ABL2: variants seen among roughly 807,000 people sequenced by gnomAD.
ABL2 encodes the protein ABL proto-oncogene 2, non-receptor tyrosine kinase.
A neutral mutation model predicts 107.7 loss-of-function variants in ABL2; 49 were observed. The ratio of observed to expected loss-of-function variants is 0.45; its 90% CI spans 0.36 to 0.58. ABL2 has a LOEUF of 0.58. ABL2 is among the 20% of genes least tolerant of loss of function. ABL2 has a pLI of 0.00. For missense variants in ABL2, 1,245 were observed against 1,457.0 expected (o/e 0.85, Z 2.37); for synonymous variants, 549 against 548.6 (o/e 1.00, Z -0.01).
At chr1:179,185,513 C>CA (rs1344165341) in intron 1 of ABL2, among the ~76,000 whole-genome samples, 1 of 152,096 alleles carries the variant, frequency 6.6e-6, no homozygotes, top group Non-Finnish European at 1.5e-5. Flanking sequence ...TAAAAGTGTA[C>CA]AAGTTGCTTT....
intron 3 of ABL2, among the ~76,000 whole-genome samples, chr1:179,130,594 G>A (rs1656195589): frequency 1.3e-5 from 2 of 152,142 alleles, no homozygotes; most frequent in African/African-American, 4.8e-5. Context: ...TTAGTGAAAG[G>A]AATGGTAGGA....
At chr1:179,153,185 G>A (rs1221753918) in intron 1 of ABL2, among the ~76,000 whole-genome samples, 1 of 152,024 alleles carries the variant, frequency 6.6e-6, no homozygotes, top group East Asian at 1.9e-4. Flanking sequence ...TTTCTGGATG[G>A]TGCCGGATAA....
intron 1 of ABL2, among the ~76,000 whole-genome samples, chr1:179,154,975 C>T (rs962696489): frequency 1.3e-5 from 2 of 152,170 alleles, no homozygotes; most frequent in South Asian, 4.1e-4. Context: ...AACATCATTA[C>T]CTACAGCCCT....
chr1:179,121,889 C>CAGGCCGGGCGCGGTGGCTCAAGCCTG, intron 4 of ABL2, 22 bp from the exon 5 acceptor site: 2 of 1,344,600 alleles, frequency 1.5e-6, no homozygotes, highest in Non-Finnish European at 2.0e-6. Context: ...AGGAGAAAAG[C>CAGGCCGGGCGCGGTGGCTCAAGCCTG]TAAACAACTT....
At chr1:179,211,107 T>G (rs1662247320) in intron 1 of ABL2, among the ~76,000 whole-genome samples, 1 of 152,062 alleles carries the variant, frequency 6.6e-6, no homozygotes, top group Non-Finnish European at 1.5e-5. Context: ...TCAAAGAACT[T>G]ATAAAAGCAT....
intron 1 of ABL2, among the ~76,000 whole-genome samples, chr1:179,212,978 G>A (rs111902090): frequency 0.094 from 14,147 of 150,264 alleles, 704 homozygotes; most frequent in African/African-American, 0.12. Context: ...CCTGGGAGGC[G>A]GAGGTTGCAG....
chr1:179,147,561 G>A (rs1267603883), intron 1 of ABL2, among the ~76,000 whole-genome samples: 7 of 152,200 alleles, frequency 4.6e-5, no homozygotes, highest in Admixed American at 3.9e-4. Flanking sequence ...CATGTATTTT[G>A]CAGCAACATG....
chr1:179,183,342 T>C lies in ABL2; in HGVS notation c.157+45899A>G, dbSNP rs28914482. 2.3e-3 allele frequency among the ~76,000 whole-genome samples: 357 copies of C among 152,266 alleles called. 2 individuals carry two copies. Among genetic ancestry groups the C allele is most frequent in the African/African-American group, 8.4e-3 (350 of 41,544 alleles). On this transcript the variant is annotated intron_variant, in intron 1 of 11. Coordinates refer to ENST00000502732, the MANE Select transcript of ABL2 (RefSeq NM_007314.4). Reference sequence around the variant, plus strand: ...CCACGACATAACAAAACTGTACTTGTACCACTTAAATTTATAACAACAACA... The same window carrying C: ...CCACGACATAACAAAACTGTACTTGCACCACTTAAATTTATAACAACAACA...
intron 1 of ABL2, among the ~76,000 whole-genome samples, chr1:179,211,791 G>GA (rs35073460): frequency 0.41 from 55,259 of 135,568 alleles, 10,771 homozygotes; most frequent in Admixed American, 0.49. Flanking sequence ...AATCCTTCTC[G>GA]AAAAAAAAAA....
At chr1:179,149,924 T>C (rs1448324561) in intron 1 of ABL2, among the ~76,000 whole-genome samples, 2 of 152,176 alleles carry the variant, frequency 1.3e-5, no homozygotes, top group Non-Finnish European at 2.9e-5. Flanking sequence ...TAATTTCAAG[T>C]CTCATTACTT....
chr1:179,161,778 T>TCC (rs1281076790), intron 1 of ABL2, among the ~76,000 whole-genome samples: 1 of 152,140 alleles, frequency 6.6e-6, no homozygotes, highest in Non-Finnish European at 1.5e-5. Flanking sequence ...TTTGAATGTG[T>TCC]CCCCCAAAGT....
intron 1 of ABL2, among the ~76,000 whole-genome samples, chr1:179,164,598 G>C (rs1310895283): frequency 6.6e-6 from 1 of 152,128 alleles, no homozygotes; most frequent in African/African-American, 2.4e-5. Flanking sequence ...ACTCAATGTT[G>C]CTAGCACCTG....
intron 1 of ABL2, among the ~76,000 whole-genome samples, chr1:179,187,656 T>C (rs1660749234): frequency 6.6e-6 from 1 of 152,358 alleles, no homozygotes; most frequent in Admixed American, 6.5e-5. Flanking sequence ...AGTTATCATT[T>C]ACAAATATAA....
intron 1 of ABL2, among the ~76,000 whole-genome samples, chr1:179,143,452 C>A (rs1412540696): frequency 6.6e-6 from 1 of 152,084 alleles, no homozygotes; most frequent in African/African-American, 2.4e-5. Context: ...CAATAAAACA[C>A]GAAATACACT....
intron 1 of ABL2, among the ~76,000 whole-genome samples, chr1:179,149,359 A>C (rs535131794): frequency 3.9e-5 from 6 of 152,250 alleles, no homozygotes; most frequent in Non-Finnish European, 8.8e-5. Context: ...TAAGGAAAAG[A>C]AGCCATGTCC....
intron 1 of ABL2, among the ~76,000 whole-genome samples, chr1:179,188,802 C>T (rs1052668478): frequency 2.0e-5 from 3 of 152,012 alleles, no homozygotes; most frequent in African/African-American, 7.2e-5. Context: ...CTCTAGAATC[C>T]ATGTTATCAA....
At chr1:179,147,196 A>AAC (rs1658052088) in intron 1 of ABL2, among the ~76,000 whole-genome samples, 1 of 150,194 alleles carries the variant, frequency 6.7e-6, no homozygotes, top group Non-Finnish European at 1.5e-5. Flanking sequence ...AAAAAAAAAA[A>AAC]AAAAAAAAAA....
At chr1:179,211,615 G>C (rs1384940087) in intron 1 of ABL2, among the ~76,000 whole-genome samples, 1 of 151,940 alleles carries the variant, frequency 6.6e-6, no homozygotes, top group Non-Finnish European at 1.5e-5. Flanking sequence ...ACCAAATTTA[G>C]GCCAGGCATT....
At chr1:179,181,012 G>T (rs1194626593) in intron 1 of ABL2, among the ~76,000 whole-genome samples, 4 of 152,176 alleles carry the variant, frequency 2.6e-5, no homozygotes, top group African/African-American at 9.7e-5. Context: ...CTTTAGACTT[G>T]CAATGGTGCA....
Sources: gnomAD v4.1 joint callset for allele counts (sites outside exome capture counted in the v4.1 genomes callset) on GRCh38, gnomAD v4.1.1 for gene constraint, MANE v1.5 for transcripts, NCBI Gene and HGNC (gene_info 2026-07-23, HGNC 2026-07-21) for gene names.